Variants in KLF17 observed in about 807,000 individuals in gnomAD.
KLF17 encodes the protein KLF transcription factor 17.
A neutral mutation model predicts 34.2 loss-of-function variants in KLF17; 31 were observed. The ratio of observed to expected loss-of-function variants is 0.91; its 90% CI spans 0.68 to 1.22. The LOEUF (loss-of-function observed/expected upper bound fraction) is 1.22. KLF17 is among the 50% of genes most tolerant of loss of function. The pLI, the probability that KLF17 is intolerant of heterozygous loss-of-function variation, is 0.00. For synonymous variants in KLF17, 179 were observed against 186.7 expected, an observed-to-expected ratio of 0.96 and a Z score of 0.34; for missense variants, 478 against 505.2, an observed-to-expected ratio of 0.95 and a Z score of 0.52.
At chr1:44,097,753 T>G in the KLF17 span, among the ~76,000 whole-genome samples, 1 of 152,228 alleles carries the variant, frequency 6.6e-6, no homozygotes, top group Admixed American at 6.5e-5. Context: ...GCTATGGGTT[T>G]GTCATATATG....
chr1:44,044,621 C>A, the KLF17 span: 1 of 152,312 alleles, frequency 6.6e-6, no homozygotes, highest in Non-Finnish European at 1.5e-5. Context: ...CCGCAATGCA[C>A]TGGAAACTCC....
chr1:44,087,040 T>C, the KLF17 span, among the ~76,000 whole-genome samples: 12 of 152,290 alleles, frequency 7.9e-5, no homozygotes, highest in South Asian at 2.1e-4. Context: ...GATGTAGATA[T>C]AGAAGAACTG....
the KLF17 span, among the ~76,000 whole-genome samples, chr1:44,083,793 C>CAAAA: frequency 0.026 from 2,709 of 103,650 alleles, 89 homozygotes; most frequent in South Asian, 0.038. Context: ...GACTCTGTCT[C>CAAAA]AAAAAAAAAA....
the KLF17 span, among the ~76,000 whole-genome samples, chr1:44,101,853 CGT>C: frequency 4.0e-5 from 6 of 151,708 alleles, no homozygotes; most frequent in South Asian, 1.2e-3. Context: ...GTAGTGAAAC[CGT>C]GTTTCTCAAA....
At chr1:44,057,830 C>T in the KLF17 span, among the ~76,000 whole-genome samples, 4 of 152,152 alleles carry the variant, frequency 2.6e-5, no homozygotes, top group South Asian at 2.1e-4. Flanking sequence ...AACTTTATGC[C>T]GGTAATGACC....
the KLF17 span, among the ~76,000 whole-genome samples, chr1:44,106,020 G>A: frequency 1.3e-5 from 2 of 152,010 alleles, no homozygotes; most frequent in Non-Finnish European, 2.9e-5. Flanking sequence ...AGGAAGGGAG[G>A]GAGGAAGAGA....
the KLF17 span, among the ~76,000 whole-genome samples, chr1:44,061,984 G>A: frequency 6.6e-6 from 1 of 152,202 alleles, no homozygotes; most frequent in Non-Finnish European, 1.5e-5. Context: ...CTGCCCATGG[G>A]GTAGCCCTGC....
chr1:44,091,057 C>A, the KLF17 span, among the ~76,000 whole-genome samples: 1 of 152,032 alleles, frequency 6.6e-6, no homozygotes, highest in East Asian at 1.9e-4. Flanking sequence ...CCCTAAAGAG[C>A]TTTTGTATTT....
intron 2 of KLF17, 88 bp downstream of exon 2, chr1:44,130,284 G>A (rs1205442205): frequency 9.8e-6 from 15 of 1,523,440 alleles, no homozygotes; most frequent in East Asian, 4.5e-5. Flanking sequence ...TGTTTGGGAT[G>A]AGCCTTTCAT....
At chr1:44,094,989 C>T in the KLF17 span, among the ~76,000 whole-genome samples, 1 of 148,372 alleles carries the variant, frequency 6.7e-6, no homozygotes, top group African/African-American at 2.5e-5. Flanking sequence ...CAAGCTCTGC[C>T]TCCCAGGTTC....
chr1:44,130,287 C>A, intron 2 of KLF17, 91 bp downstream of exon 2: 1 of 1,517,450 alleles, frequency 6.6e-7, no homozygotes, highest in Non-Finnish European at 8.9e-7. Flanking sequence ...TTGGGATGAG[C>A]CTTTCATCTT....
chr1:44,099,881 GAAAGAAAGA>G, the KLF17 span, among the ~76,000 whole-genome samples: 1 of 57,038 alleles, frequency 1.8e-5, no homozygotes, highest in Non-Finnish European at 4.0e-5. Flanking sequence ...AAGAAAGAAA[GAAAGAAAGA>G]AAGAAAGAAA....
intron 1 of KLF17, among the ~76,000 whole-genome samples, chr1:44,123,248 T>TGGG (rs544195194): frequency 6.6e-6 from 1 of 151,788 alleles, no homozygotes; most frequent in Non-Finnish European, 1.5e-5. Context: ...TTTGTAGAAA[T>TGGG]GGGGGGTCTC....
chr1:44,123,154 T>A (rs573323114), intron 1 of KLF17, among the ~76,000 whole-genome samples: 58 of 152,234 alleles, frequency 3.8e-4, no homozygotes, highest in Non-Finnish European at 6.5e-4. Context: ...TGAACCATGA[T>A]TGATCGCACC....
the KLF17 span, among the ~76,000 whole-genome samples, chr1:44,073,273 T>C: frequency 0.08 from 12,094 of 151,036 alleles, 487 homozygotes; most frequent in African/African-American, 0.099. Flanking sequence ...ATGGTGCAAT[T>C]TCGGCTCACC....
upstream of KLF17, chr1:44,118,793 A>T: frequency 3.9e-6 from 3 of 774,308 alleles, no homozygotes; most frequent in Non-Finnish European, 5.9e-6. Context: ...GCGCAGCTGT[A>T]AATAGGTAAA....
the KLF17 span, chr1:44,105,134 C>T: frequency 6.6e-6 from 1 of 152,092 alleles, no homozygotes; most frequent in Non-Finnish European, 1.5e-5. Flanking sequence ...CCAAATGAAA[C>T]TATATTGTTG....
chr1:44,050,133 C>T, the KLF17 span, among the ~76,000 whole-genome samples: 2 of 152,196 alleles, frequency 1.3e-5, no homozygotes, highest in Non-Finnish European at 2.9e-5. Flanking sequence ...AGTGGTTTTA[C>T]CAATTTATGC....
chr1:44,082,964 C>T, the KLF17 span, among the ~76,000 whole-genome samples: 2 of 136,762 alleles, frequency 1.5e-5, no homozygotes, highest in Admixed American at 1.6e-4. Flanking sequence ...TTTTTTGAGA[C>T]AGGGTCTCAC....
Sources: allele counts gnomAD v4.1 joint callset (sites outside exome capture counted in the v4.1 genomes callset), GRCh38; gene constraint gnomAD v4.1.1; transcripts MANE v1.5; gene names NCBI Gene and HGNC (gene_info 2026-07-23, HGNC 2026-07-21).